Variants in JMJD1C observed in about 807,000 individuals in gnomAD.
JMJD1C encodes the protein jumonji domain-containing protein 1C.
In JMJD1C, 31 loss-of-function variants were observed where a neutral mutation model predicts 245.3. The observed-to-expected ratio is 0.13, with a 90% CI of 0.09 to 0.17. JMJD1C has a LOEUF of 0.17. JMJD1C is among the 10% of genes least tolerant of loss of function. The pLI is 1.00. For missense variants in JMJD1C, 2,691 were observed against 3,000.2 expected (o/e 0.90, Z 2.41); for synonymous variants, 1,057 against 1,017.4 (o/e 1.04, Z -0.74).
At chr10:63,191,353 T>G (rs1442185786) in intron 16 of JMJD1C, among the ~76,000 whole-genome samples, 1 of 152,092 alleles carries the variant, frequency 6.6e-6, no homozygotes, top group Non-Finnish European at 1.5e-5. Context: ...AGGCTGGTCT[T>G]GAACTCCTGA....
At chr10:63,443,873 A>G (rs185632689) in intron 1 of JMJD1C, among the ~76,000 whole-genome samples, 1 of 152,330 alleles carries the variant, frequency 6.6e-6, no homozygotes, top group African/African-American at 2.4e-5. Context: ...CACTCGGGAG[A>G]GTCCAAGGGT....
intron 3 of JMJD1C, among the ~76,000 whole-genome samples, chr10:63,255,708 A>AAT (rs923638780): frequency 6.6e-6 from 1 of 152,192 alleles, no homozygotes; most frequent in Non-Finnish European, 1.5e-5. Flanking sequence ...TTAATAAATT[A>AAT]ATATATATCC....
chr10:63,169,541 A>G (rs940959348), intron 24 of JMJD1C, among the ~76,000 whole-genome samples: 20 of 152,090 alleles, frequency 1.3e-4, no homozygotes, highest in African/African-American at 3.6e-4. Flanking sequence ...GACTGTGGGG[A>G]AAAAAAATCT....
At chr10:63,288,920 A>G (rs867297775) in intron 2 of JMJD1C, among the ~76,000 whole-genome samples, 7 of 125,672 alleles carry the variant, frequency 5.6e-5, no homozygotes, top group South Asian at 2.5e-4. Context: ...TAATAATAAT[A>G]ATAATAATGA....
At chr10:63,372,678 T>C (rs945012573) in intron 2 of JMJD1C, among the ~76,000 whole-genome samples, 1 of 152,160 alleles carries the variant, frequency 6.6e-6, no homozygotes, top group Non-Finnish European at 1.5e-5. Flanking sequence ...CTTTCTGAGA[T>C]GGGTAAAGCA....
At chr10:63,416,679 C>T (rs1199264191) in intron 1 of JMJD1C, among the ~76,000 whole-genome samples, 3 of 152,148 alleles carry the variant, frequency 2.0e-5, no homozygotes, top group African/African-American at 7.2e-5. Context: ...ACAAAGAACA[C>T]TATTTTACAT....
chr10:63,167,831 G>A lies in JMJD1C; in HGVS notation c.*214C>T. The A allele has an allele frequency of 2.0e-6, 1 of 491,214 alleles. No individual in the cohort carries two copies. The allele number at this position is 491,214 out of a possible 1,614,324, so 30.4% of individuals were successfully genotyped here. A position where few individuals can be genotyped will look rare whatever the true frequency, so the allele number is the denominator to read the frequency against. On this transcript the variant is annotated 3_prime_UTR_variant, in exon 26 of 26. Coordinates refer to ENST00000399262, the MANE Select transcript of JMJD1C (RefSeq NM_032776.3). ...CTATAATACAAAACAGCTATATAGT[G>A]CTGCTTTTAAAATTCTGCTTGTTTT...
chr10:63,258,663 TAACC>T (rs1286113410), intron 3 of JMJD1C, among the ~76,000 whole-genome samples: 2 of 152,324 alleles, frequency 1.3e-5, no homozygotes, highest in Admixed American at 1.3e-4. Flanking sequence ...CTTACTTCTT[TAACC>T]ATTTCAGTCT....
At chr10:63,196,279 GAGAA>G (rs1845449845) in intron 13 of JMJD1C, among the ~76,000 whole-genome samples, 1 of 151,388 alleles carries the variant, frequency 6.6e-6, no homozygotes, top group South Asian at 2.1e-4. Context: ...AAAAGAAAAA[GAGAA>G]AGAAAATCAT....
rs536935491 is a variant in JMJD1C at position 63,206,710 on chromosome 10, C to T, written c.4959G>A (p.Lys1653=). Residue 1653 remains lysine (K), a synonymous_variant, in exon 10 of 26, where the codon AAG becomes AAA. Transcript: ENST00000399262. ...CTTTTCTCTTTTGCAAATCATTTTG[C>T]TTCTTTTTGTAAGTTGGCTTAGGTT... ...KRQPKPTYKK[K]QNDLQKRKGE... is the part of the protein sequence containing the mutation. 2 of 1,613,672 alleles carry T rather than the reference C, an allele frequency of 1.2e-6. No individual in the cohort carries two copies. The highest frequency in any genetic ancestry group is 1.1e-5 in the South Asian group (1 of 91,018).
intron 2 of JMJD1C, among the ~76,000 whole-genome samples, chr10:63,280,114 G>A (rs1857225004): frequency 6.6e-6 from 1 of 152,042 alleles, no homozygotes. Context: ...TCATGCCACT[G>A]CACTCAAGTC....
At chr10:63,321,887 A>G (rs570019319) in intron 2 of JMJD1C, among the ~76,000 whole-genome samples, 2 of 152,342 alleles carry the variant, frequency 1.3e-5, no homozygotes, top group South Asian at 4.1e-4. Flanking sequence ...ACACCAGTTC[A>G]AAACAGCCTT....
chr10:63,465,473 A>G (rs1186430940), intron 1 of JMJD1C, 22 bp downstream of exon 1: 4 of 1,576,876 alleles, frequency 2.5e-6, no homozygotes, highest in Admixed American at 3.5e-5. Context: ...GCAGGGGAAA[A>G]GGGGGGCGCT....
At chr10:63,387,054 C>T (rs960373129) in intron 1 of JMJD1C, among the ~76,000 whole-genome samples, 3 of 152,188 alleles carry the variant, frequency 2.0e-5, no homozygotes, top group South Asian at 2.1e-4. Flanking sequence ...ACAGACAACA[C>T]TGACCCTGTT....
Position 63,215,539 on chromosome 10 carries a change from A to G in JMJD1C, c.822+14T>C, listed in dbSNP as rs377123420. The G allele has an allele frequency of 3.8e-4, 619 of 1,608,134 alleles. 2 individuals carry two copies. Among genetic ancestry groups the G allele is most frequent in the Middle Eastern group, 2.1e-3 (13 of 6,066 alleles). ...AAATATTTTACAGAAATTCATCCCT[A>G]ATAACATACATACGTGAACAGCGTT... On this transcript the variant is annotated intron_variant, in intron 6 of 25. Transcript: ENST00000399262.
chr10:63,282,170 C>A lies in JMJD1C; in HGVS notation c.334-17406G>T, dbSNP rs184963228. On this transcript the variant is annotated intron_variant, in intron 2 of 25. Transcript: ENST00000399262. ...TGCAGTATAAGTCAACAAGGCTCTACAATTATTTCCCCATTACCTCCTTGT... is the reference window on the plus strand; with the variant it reads ...TGCAGTATAAGTCAACAAGGCTCTAAAATTATTTCCCCATTACCTCCTTGT... 5.2e-3 allele frequency among the ~76,000 whole-genome samples: 794 copies of A among 152,290 alleles called. 1 individual carries two copies. Among genetic ancestry groups the A allele is most frequent in the Non-Finnish European group, 8.7e-3 (590 of 68,026 alleles).
At chr10:63,403,224 A>G (rs1948969398) in intron 1 of JMJD1C, among the ~76,000 whole-genome samples, 1 of 152,220 alleles carries the variant, frequency 6.6e-6, no homozygotes, top group African/African-American at 2.4e-5. Flanking sequence ...AATGTACATT[A>G]CTTATCCAAA....
chr10:63,427,314 G>A (rs905965668), intron 1 of JMJD1C: 3 of 958,306 alleles, frequency 3.1e-6, no homozygotes, highest in East Asian at 4.4e-5. Flanking sequence ...AGTATTTCCT[G>A]GGCCAGGGCG....
chr10:63,289,973 G>A (rs764191415), intron 2 of JMJD1C, among the ~76,000 whole-genome samples: 168 of 151,872 alleles, frequency 1.1e-3, no homozygotes, highest in Middle Eastern at 3.4e-3. Context: ...AAAATTTAAA[G>A]GAAAGATTAA....
Sources: gnomAD v4.1 joint callset for allele counts (sites outside exome capture counted in the v4.1 genomes callset) on GRCh38, gnomAD v4.1.1 for gene constraint, MANE v1.5 for transcripts, NCBI Gene and HGNC (gene_info 2026-07-23, HGNC 2026-07-21) for gene names.